The following KAT2B variants were observed in gnomAD, a reference collection of about 807,000 sequenced individuals.
The protein encoded by KAT2B is histone acetyltransferase KAT2B.
A neutral mutation model predicts 105.9 loss-of-function variants in KAT2B; 36 were observed. The ratio of observed to expected loss-of-function variants is 0.34; its 90% CI spans 0.26 to 0.45. The LOEUF is 0.45. Ranked by LOEUF, KAT2B falls within the 20% of genes least tolerant of loss-of-function variation. The pLI, the probability that KAT2B is intolerant of heterozygous loss-of-function variation, is 1.00. For missense variants in KAT2B, 820 were observed against 1,021.6 expected, an observed-to-expected ratio of 0.80 and a Z score of 2.69; for synonymous variants, 397 against 377.9, an observed-to-expected ratio of 1.05 and a Z score of -0.59.
chr3:20,116,780 T>C (rs1445710481), intron 7 of KAT2B, among the ~76,000 whole-genome samples: 1 of 152,142 alleles, frequency 6.6e-6, no homozygotes, highest in Non-Finnish European at 1.5e-5. Flanking sequence ...AAGTTGGAAT[T>C]ATGATCTCCT....
intron 11 of KAT2B, among the ~76,000 whole-genome samples, chr3:20,131,792 G>T (rs1304291580): frequency 6.6e-6 from 1 of 151,988 alleles, no homozygotes; most frequent in Non-Finnish European, 1.5e-5. Flanking sequence ...TTGAACTCCT[G>T]GTCTCAAGAG....
chr3:20,148,731 T>C (rs992916749), intron 17 of KAT2B: 3 of 400,690 alleles, frequency 7.5e-6, no homozygotes, highest in Non-Finnish European at 1.3e-5. Context: ...ACGCAGAAAA[T>C]CCACGGTAAC....
chr3:20,104,530 T>A (rs2125158916), intron 5 of KAT2B, among the ~76,000 whole-genome samples: 1 of 152,264 alleles, frequency 6.6e-6, no homozygotes, highest in East Asian at 1.9e-4. Flanking sequence ...CTGATACTGA[T>A]CTTCTCAAAA....
intron 8 of KAT2B, among the ~76,000 whole-genome samples, chr3:20,120,725 C>T (rs1167430084): frequency 6.6e-6 from 1 of 152,054 alleles, no homozygotes; most frequent in Non-Finnish European, 1.5e-5. Context: ...ATCTCTTGAG[C>T]CTAGAAGCAT....
intron 3 of KAT2B, among the ~76,000 whole-genome samples, chr3:20,097,512 A>G (rs1698831492): frequency 6.8e-6 from 1 of 147,592 alleles, no homozygotes; most frequent in South Asian, 2.3e-4. Flanking sequence ...TAAAAACAAA[A>G]CAAAAATAAT....
chr3:20,118,726 C>CAA (rs202106321), intron 7 of KAT2B, among the ~76,000 whole-genome samples: 114 of 89,822 alleles, frequency 1.3e-3, no homozygotes, highest in South Asian at 2.9e-3. Flanking sequence ...AACTTTGTCT[C>CAA]AAAAAAAAAA....
intron 2 of KAT2B, among the ~76,000 whole-genome samples, chr3:20,090,233 A>G (rs887897363): frequency 6.6e-6 from 1 of 152,176 alleles, no homozygotes; most frequent in African/African-American, 2.4e-5. Flanking sequence ...TTCCAATACT[A>G]CGTTGAAAAG....
chr3:20,106,535 G>T (rs7622463), intron 5 of KAT2B, among the ~76,000 whole-genome samples: 93,983 of 151,974 alleles, frequency 0.62, 29,755 homozygotes, highest in African/African-American at 0.76. Flanking sequence ...ATTTAACAGA[G>T]TACAAAATAA....
At chr3:20,114,763 A>G (rs1699176925) in intron 6 of KAT2B, 119 bp from the exon 7 acceptor site, 1 of 609,260 alleles carries the variant, frequency 1.6e-6, no homozygotes, top group Non-Finnish European at 2.9e-6. Context: ...GTAATTCTCC[A>G]TTATATTTCT....
At chr3:20,081,829 C>T in intron 2 of KAT2B, among the ~76,000 whole-genome samples, 1 of 146,940 alleles carries the variant, frequency 6.8e-6, no homozygotes, top group Admixed American at 6.8e-5. Flanking sequence ...AAATCCTTTC[C>T]CTAGATTTAC....
Position 20,111,586 on chromosome 3 carries a change from C to T in KAT2B, c.852-10C>T, listed in dbSNP as rs1416679051. The T allele has an allele frequency of 1.2e-6, 2 of 1,601,170 alleles. No individual in the cohort carries two copies. The highest frequency in any genetic ancestry group is 2.2e-5 in the East Asian group (1 of 44,584). On this transcript the variant is annotated splice_polypyrimidine_tract_variant and intron_variant, in intron 5 of 17. Transcript: ENST00000263754. ...GGGATATTGATGGTGCTTGACTTCTCTTGTCACAGGTGGCTGTGTTACTGC... is the reference window on the plus strand; with the variant it reads ...GGGATATTGATGGTGCTTGACTTCTTTTGTCACAGGTGGCTGTGTTACTGC...
intron 14 of KAT2B, among the ~76,000 whole-genome samples, chr3:20,147,462 G>C (rs1699799467): frequency 6.6e-6 from 1 of 151,670 alleles, no homozygotes; most frequent in Admixed American, 6.6e-5. Flanking sequence ...CTCTTATTTA[G>C]GGTGAGTTAC....
At chr3:20,069,953 C>A (rs2623079) in intron 1 of KAT2B, among the ~76,000 whole-genome samples, 7 of 152,036 alleles carry the variant, frequency 4.6e-5, no homozygotes, top group Non-Finnish European at 1.0e-4. Flanking sequence ...AGAACATGGC[C>A]TCTGAGATCT....
rs192135299 is a variant in KAT2B, at chr3:20,119,461, C to A, written c.1151-137C>A. On this transcript the variant is annotated intron_variant, in intron 7 of 17. Transcript: ENST00000263754. ...CCCTGCTGTCTTTACTATTTTGATG[C>A]CTTGTGGCTTATGTTTTAAAGATGA... 1.6e-4 allele frequency: 121 copies of A among 748,600 alleles called. No individual in the cohort carries two copies. In the Middle Eastern group the frequency reaches 2.5e-3, roughly 16 times the overall value. The allele number at this position is 748,600 out of a possible 1,614,324, so 46.4% of individuals were successfully genotyped here.
At chr3:20,095,853 A>G (rs1384156109) in intron 3 of KAT2B, among the ~76,000 whole-genome samples, 1 of 152,284 alleles carries the variant, frequency 6.6e-6, no homozygotes, top group Admixed American at 6.5e-5. Flanking sequence ...ACAAAGTAGG[A>G]TAAGTGGAAT....
chr3:20,040,692 C>G lies in KAT2B; in HGVS notation c.215C>G (p.Ser72Trp), dbSNP rs751463932. Residue 72 changes from serine (S) to tryptophan (W), a missense_variant, in exon 1 of 18, where the codon TCG becomes TGG. By Grantham distance (177) the Ser-to-Trp change is radical. Coordinates refer to ENST00000263754, the MANE Select transcript of KAT2B (RefSeq NM_003884.5). ...GTAEGPGGGG[S>W]ARIAVKKAQL... ...GCCGAAGGACCGGGAGGCGGTGGCT[C>G]GGCCCGAATCGCCGTGAAGAAAGCG... The G allele has an allele frequency of 6.4e-7, 1 of 1,574,238 alleles. No homozygotes were observed. Among genetic ancestry groups the G allele is most frequent in the East Asian group, 2.5e-5 (1 of 39,836 alleles).
intron 2 of KAT2B, among the ~76,000 whole-genome samples, chr3:20,076,743 T>G (rs967700930): frequency 1.3e-5 from 2 of 152,210 alleles, no homozygotes; most frequent in East Asian, 1.9e-4. Context: ...ATCTTCTTAA[T>G]TGTTACCGAC....
At chr3:20,130,909 T>A (rs1231296648) in intron 11 of KAT2B, among the ~76,000 whole-genome samples, 1 of 151,416 alleles carries the variant, frequency 6.6e-6, no homozygotes, top group Non-Finnish European at 1.5e-5. Context: ...AGAACGTGTG[T>A]GTGTGTGCAT....
Position 20,040,580 on chromosome 3 carries a change from G to T in KAT2B, c.103G>T (p.Ala35Ser). ...LPPQPAALPP[A>S]PPQGSPCAAA... is the part of the protein sequence containing the mutation. The stretch of plus-strand genomic sequence containing the variant: ...CCCGCAGCCTGCGGCGCTTCCGCCC[G>T]CGCCCCCGCAGGGCTCCCCCTGCGC... Residue 35 changes from alanine to serine, a missense_variant, in exon 1 of 18, where the codon GCG becomes TCG. Transcript: ENST00000263754. The T allele has an allele frequency of 1.7e-6, 2 of 1,159,492 alleles. No individual in the cohort carries two copies. Among genetic ancestry groups the T allele is most frequent in the Non-Finnish European group, 2.1e-6 (2 of 941,766 alleles). The allele number at this position is 1,159,492 out of a possible 1,614,324, so 71.8% of individuals were successfully genotyped here. A position where few individuals can be genotyped will look rare whatever the true frequency, so the allele number is the denominator to read the frequency against.
Sources: allele counts gnomAD v4.1 joint callset (sites outside exome capture counted in the v4.1 genomes callset), GRCh38; gene constraint gnomAD v4.1.1; transcripts MANE v1.5; gene names NCBI Gene and HGNC (gene_info 2026-07-23, HGNC 2026-07-21).